The following SNTB2 variants were observed in gnomAD, a reference collection of about 807,000 sequenced individuals.
SNTB2 encodes the protein syntrophin beta 2, also known as beta-2-syntrophin.
In SNTB2, 34 loss-of-function variants were observed where a neutral mutation model predicts 46.2. That is an observed-to-expected ratio of 0.74 (90% confidence interval 0.56 to 0.98). The LOEUF (loss-of-function observed/expected upper bound fraction) is 0.98. Ranked by LOEUF, SNTB2 falls within the 50% of genes least tolerant of loss-of-function variation. The probability of loss-of-function intolerance (pLI) is 0.00; values close to 1 mark genes in which losing one functional copy is unlikely to be tolerated. For missense variants in SNTB2, 603 were observed against 731.4 expected, an observed-to-expected ratio of 0.82 and a Z score of 2.02; for synonymous variants, 290 against 312.6, an observed-to-expected ratio of 0.93 and a Z score of 0.76.
chr16:69,291,765 G>A (rs1395628267), intron 5 of SNTB2, among the ~76,000 whole-genome samples: 2 of 151,920 alleles, frequency 1.3e-5, no homozygotes, highest in South Asian at 2.1e-4. Context: ...GAGTAAGACC[G>A]CGTCTCTATG....
intron 1 of SNTB2, among the ~76,000 whole-genome samples, chr16:69,221,352 GA>G (rs1964402169): frequency 6.6e-6 from 1 of 152,058 alleles, no homozygotes; most frequent in Non-Finnish European, 1.5e-5. Flanking sequence ...TGTTTCTTTT[GA>G]AAAATTCTCT....
intron 1 of SNTB2, among the ~76,000 whole-genome samples, chr16:69,211,126 T>G (rs1964281514): frequency 6.6e-6 from 1 of 152,034 alleles, no homozygotes; most frequent in African/African-American, 2.4e-5. Context: ...AAAATTAAAT[T>G]TTTAAAATTT....
chr16:69,206,163 T>G (rs1335240840), intron 1 of SNTB2, among the ~76,000 whole-genome samples: 1 of 152,008 alleles, frequency 6.6e-6, no homozygotes, highest in African/African-American at 2.4e-5. Context: ...CTTGGCTAAT[T>G]AAAAAAAGTT....
chr16:69,296,566 CAA>C lies in SNTB2; in HGVS notation c.1346-3019_1346-3018del, dbSNP rs574002651. 1.5e-4 allele frequency among the ~76,000 whole-genome samples: 23 copies of C among 149,336 alleles called. No individual in the cohort carries two copies. In the South Asian group the frequency reaches 4.7e-3, roughly 30 times the overall value. On this transcript the variant is annotated intron_variant, in intron 5 of 6. Coordinates refer to ENST00000336278, the MANE Select transcript of SNTB2 (RefSeq NM_006750.4). The stretch of plus-strand genomic sequence containing the variant: ...TGAAACCCTGTCTCTACTAAAAATA[CAA>C]AAAATCAGCCAGGCCTGGTGGCACA...
rs1965270398 is a variant in SNTB2, at chr16:69,300,717, G to C, written c.1531-115G>C. On this transcript the variant is annotated intron_variant, in intron 6 of 6. Transcript: ENST00000336278. Reference sequence around the variant, plus strand: ...TGCCTGTGGCTTTAAGTTCCTAAGAGTTTCCATAGCTCTGGCACATTCTTT... The same window carrying C: ...TGCCTGTGGCTTTAAGTTCCTAAGACTTTCCATAGCTCTGGCACATTCTTT... The C allele has an allele frequency of 8.3e-6, 6 of 722,446 alleles. No homozygotes were observed. In the East Asian group the frequency reaches 1.5e-4, roughly 18 times the overall value. 44.8% of individuals were successfully genotyped at this position (722,446 alleles called of 1,614,324 possible).
chr16:69,266,364 A>AAAAACAAAAC (rs370954082), intron 3 of SNTB2, among the ~76,000 whole-genome samples: 5 of 152,186 alleles, frequency 3.3e-5, no homozygotes, highest in African/African-American at 4.8e-5. Flanking sequence ...AGTCTATTGT[A>AAAAACAAAAC]AAAACAAAAC....
At chr16:69,267,087 G>A (rs970041655) in intron 3 of SNTB2, among the ~76,000 whole-genome samples, 1 of 151,690 alleles carries the variant, frequency 6.6e-6, no homozygotes, top group African/African-American at 2.4e-5. Context: ...GAGTGCAGTG[G>A]CGCAGTCTCA....
intron 3 of SNTB2, among the ~76,000 whole-genome samples, chr16:69,263,787 T>A (rs1262028697): frequency 6.6e-6 from 1 of 152,060 alleles, no homozygotes; most frequent in African/African-American, 2.4e-5. Flanking sequence ...ATTAAATGAG[T>A]TTTTTTAAGC....
At chr16:69,204,310 T>C (rs1964193722) in intron 1 of SNTB2, among the ~76,000 whole-genome samples, 1 of 152,256 alleles carries the variant, frequency 6.6e-6, no homozygotes, top group Admixed American at 6.5e-5. Flanking sequence ...GCTGCTCAGC[T>C]GCAGTTGCTT....
At chr16:69,259,436 T>G (rs1447752807) in intron 2 of SNTB2, among the ~76,000 whole-genome samples, 1 of 151,416 alleles carries the variant, frequency 6.6e-6, no homozygotes, top group Non-Finnish European at 1.5e-5. Context: ...GGTTTCACTG[T>G]GTTGGCCAGA....
At chr16:69,249,642 GT>G (rs1964706710) in intron 2 of SNTB2, among the ~76,000 whole-genome samples, 1 of 152,142 alleles carries the variant, frequency 6.6e-6, no homozygotes. Context: ...GGAGAGGGCA[GT>G]TTGGGGCTAC....
At chr16:69,256,234 G>A (rs1349538700) in intron 2 of SNTB2, among the ~76,000 whole-genome samples, 1 of 152,022 alleles carries the variant, frequency 6.6e-6, no homozygotes, top group Non-Finnish European at 1.5e-5. Context: ...TGCCTAGGCT[G>A]GTCTCAAACT....
At chr16:69,280,707 G>A (rs989672778) in intron 4 of SNTB2, among the ~76,000 whole-genome samples, 4 of 152,142 alleles carry the variant, frequency 2.6e-5, no homozygotes, top group Non-Finnish European at 5.9e-5. Flanking sequence ...TTATCGTTCA[G>A]TTTTAAGAGT....
At chr16:69,210,405 T>C (rs982706332) in intron 1 of SNTB2, among the ~76,000 whole-genome samples, 5 of 151,612 alleles carry the variant, frequency 3.3e-5, no homozygotes, top group African/African-American at 1.2e-4. Context: ...GCCTGGATAA[T>C]TTTTTGTATT....
chr16:69,269,613 A>T (rs965364951), intron 3 of SNTB2, among the ~76,000 whole-genome samples: 1 of 152,222 alleles, frequency 6.6e-6, no homozygotes, highest in African/African-American at 2.4e-5. Context: ...GTATGTATAT[A>T]TTGGGTTGCA....
intron 1 of SNTB2, among the ~76,000 whole-genome samples, chr16:69,223,899 G>T (rs1009408934): frequency 6.6e-6 from 1 of 152,156 alleles, no homozygotes; most frequent in African/African-American, 2.4e-5. Context: ...CGAAGTGTTG[G>T]GATTACAGGC....
intron 1 of SNTB2, 108 bp from the exon 2 acceptor site, chr16:69,245,494 T>A: frequency 8.8e-7 from 1 of 1,140,400 alleles, no homozygotes; most frequent in Non-Finnish European, 1.3e-6. Context: ...CGCGCCCAGC[T>A]CTTTCCTCCA....
intron 1 of SNTB2, among the ~76,000 whole-genome samples, chr16:69,240,006 C>A (rs749615935): frequency 3.3e-5 from 5 of 152,026 alleles, no homozygotes; most frequent in Non-Finnish European, 7.4e-5. Context: ...ATAGCTGTAT[C>A]ACAGTTTATC....
intron 4 of SNTB2, among the ~76,000 whole-genome samples, chr16:69,278,284 C>G (rs1456112562): frequency 6.6e-6 from 1 of 151,748 alleles, no homozygotes; most frequent in Non-Finnish European, 1.5e-5. Context: ...CTACTATACT[C>G]CAGTCTGGGG....
Sources: gnomAD v4.1 joint callset for allele counts (sites outside exome capture counted in the v4.1 genomes callset) on GRCh38, gnomAD v4.1.1 for gene constraint, MANE v1.5 for transcripts, NCBI Gene and HGNC (gene_info 2026-07-23, HGNC 2026-07-21) for gene names.